Variants in DPF3 observed in about 807,000 individuals in gnomAD.
DPF3 encodes zinc finger protein DPF3.
DPF3 carries 18 observed loss-of-function variants against 56.8 expected under a neutral mutation model. That is an observed-to-expected ratio of 0.32 (90% CI 0.22 to 0.47). DPF3 has a LOEUF of 0.47. DPF3 is among the 20% of genes least tolerant of loss of function. The probability of loss-of-function intolerance (pLI) is 1.00; values close to 1 mark genes in which losing one functional copy is unlikely to be tolerated. For synonymous variants in DPF3, 188 were observed against 180.2 expected, an observed-to-expected ratio of 1.04 and a Z score of -0.35; for missense variants, 403 against 488.8, an observed-to-expected ratio of 0.82 and a Z score of 1.65.
At chr14:72,819,152 G>A (rs980844367) in intron 1 of DPF3, among the ~76,000 whole-genome samples, 4 of 152,132 alleles carry the variant, frequency 2.6e-5, no homozygotes, top group Admixed American at 1.3e-4. Context: ...GTAAGCTACC[G>A]TTCACACCCA....
chr14:72,795,191 T>A (rs1408945581), intron 1 of DPF3, among the ~76,000 whole-genome samples: 1 of 150,872 alleles, frequency 6.6e-6, no homozygotes, highest in African/African-American at 2.4e-5. Flanking sequence ...AAGGTACACT[T>A]GAATACCGTC....
chr14:72,720,034 A>G (rs1381649390), intron 5 of DPF3, among the ~76,000 whole-genome samples: 1 of 151,822 alleles, frequency 6.6e-6, no homozygotes, highest in Non-Finnish European at 1.5e-5. Flanking sequence ...TCTAGTGTGG[A>G]GTCTGGGCTT....
intron 1 of DPF3, among the ~76,000 whole-genome samples, chr14:72,885,141 G>T (rs1301013861): frequency 4.1e-5 from 6 of 147,864 alleles, no homozygotes; most frequent in African/African-American, 1.2e-4. Context: ...AAAAAAACAG[G>T]AAGGGGGATA....
chr14:72,890,093 C>A (rs140838959), intron 1 of DPF3, among the ~76,000 whole-genome samples: 216 of 152,188 alleles, frequency 1.4e-3, no homozygotes, highest in African/African-American at 5.0e-3. Context: ...TGCATACCAA[C>A]CAGGATTTTG....
intron 5 of DPF3, among the ~76,000 whole-genome samples, chr14:72,720,871 G>A (rs1204284053): frequency 6.6e-6 from 1 of 151,882 alleles, no homozygotes; most frequent in Non-Finnish European, 1.5e-5. Flanking sequence ...AAAATTTCCA[G>A]CAGCACATTT....
chr14:72,673,303 G>A (rs1443234993), intron 8 of DPF3, among the ~76,000 whole-genome samples: 1 of 152,148 alleles, frequency 6.6e-6, no homozygotes, highest in Non-Finnish European at 1.5e-5. Context: ...AGGTAGAAAG[G>A]AGAAATGACT....
intron 1 of DPF3, chr14:72,892,209 G>C: frequency 6.5e-7 from 1 of 1,535,504 alleles, no homozygotes. Flanking sequence ...GCCCGGTTAT[G>C]TGATTTCGGC....
chr14:72,871,578 C>T (rs200630069), intron 1 of DPF3, among the ~76,000 whole-genome samples: 119 of 152,344 alleles, frequency 7.8e-4, no homozygotes, highest in African/African-American at 2.4e-3. Flanking sequence ...ATCCAGGTCA[C>T]GCTGATGCAA....
chr14:72,802,467 C>T (rs1567237807), intron 1 of DPF3, among the ~76,000 whole-genome samples: 1 of 152,192 alleles, frequency 6.6e-6, no homozygotes, highest in Non-Finnish European at 1.5e-5. Flanking sequence ...GTCCCACATG[C>T]ATGCTCTTGA....
intron 1 of DPF3, among the ~76,000 whole-genome samples, chr14:72,875,199 G>GAACT (rs1886066366): frequency 6.6e-6 from 1 of 151,972 alleles, no homozygotes; most frequent in Admixed American, 6.5e-5. Flanking sequence ...GGAGATCAAT[G>GAACT]CAAGTTGAGA....
intron 1 of DPF3, among the ~76,000 whole-genome samples, chr14:72,802,875 A>G (rs1892942978): frequency 6.6e-6 from 1 of 152,134 alleles, no homozygotes; most frequent in Admixed American, 6.5e-5. Context: ...TAGCCTGGAC[A>G]TGGGCAGCTA....
chr14:72,857,574 G>T (rs7140344), intron 1 of DPF3, among the ~76,000 whole-genome samples: 1 of 151,628 alleles, frequency 6.6e-6, no homozygotes, highest in Non-Finnish European at 1.5e-5. Flanking sequence ...AGTAGGCAAT[G>T]AGTTTTTTTG....
intron 3 of DPF3, among the ~76,000 whole-genome samples, chr14:72,746,089 C>T (rs749378777): frequency 2.0e-5 from 3 of 152,220 alleles, no homozygotes; most frequent in Non-Finnish European, 4.4e-5. Context: ...GTTTTGTAAA[C>T]GTCCACCCCC....
chr14:72,678,733 C>A (rs1463636035), intron 7 of DPF3, among the ~76,000 whole-genome samples: 1 of 152,232 alleles, frequency 6.6e-6, no homozygotes, highest in East Asian at 1.9e-4. Context: ...AAAGACCCGA[C>A]TGGCATCTCT....
intron 8 of DPF3, among the ~76,000 whole-genome samples, chr14:72,652,078 C>A (rs566614718): frequency 6.6e-6 from 1 of 152,334 alleles, no homozygotes; most frequent in Admixed American, 6.5e-5. Flanking sequence ...AAAATAGGAA[C>A]ACCCCCTACA....
At chr14:72,693,363 C>G in intron 6 of DPF3, 150 bp from the exon 7 acceptor site, 1 of 928,334 alleles carries the variant, frequency 1.1e-6, no homozygotes, top group South Asian at 1.8e-5. Context: ...TCCCTTTCCC[C>G]CACCCAACAG....
At chr14:72,748,500 G>T (rs190393906) in intron 3 of DPF3, among the ~76,000 whole-genome samples, 3 of 152,150 alleles carry the variant, frequency 2.0e-5, no homozygotes, top group Non-Finnish European at 4.4e-5. Context: ...TTTCTGAGGA[G>T]AAATTCAAGC....
chr14:72,816,014 CTG>C (rs1272747037), intron 1 of DPF3, among the ~76,000 whole-genome samples: 1 of 152,210 alleles, frequency 6.6e-6, no homozygotes, highest in Non-Finnish European at 1.5e-5. Flanking sequence ...GATAAGGAAA[CTG>C]AGATTCAGAG....
chr14:72,719,104 C>G (rs1277658514), intron 5 of DPF3, among the ~76,000 whole-genome samples: 53 of 131,138 alleles, frequency 4.0e-4, no homozygotes, highest in African/African-American at 1.4e-3. Flanking sequence ...GGGTCTCACT[C>G]TGTCACTAGG....
Sources: gnomAD v4.1 joint callset for allele counts (sites outside exome capture counted in the v4.1 genomes callset) on GRCh38, gnomAD v4.1.1 for gene constraint, MANE v1.5 for transcripts, NCBI Gene and HGNC (gene_info 2026-07-23, HGNC 2026-07-21) for gene names.